The following MROH1 variants were observed in gnomAD, a reference collection of about 807,000 sequenced individuals.
MROH1 encodes maestro heat like repeat family member 1, also known as maestro heat-like repeat-containing protein family member 1.
Under a neutral mutation model 116.5 loss-of-function variants are expected in MROH1, and 117 were observed. That is an observed-to-expected ratio of 1.00 (90% CI 0.86 to 1.17). MROH1 has a LOEUF of 1.17. MROH1 is among the 50% of genes most tolerant of loss of function. The pLI, the probability that MROH1 is intolerant of heterozygous loss-of-function variation, is 0.00. For synonymous variants in MROH1, 921 were observed against 583.9 expected, an observed-to-expected ratio of 1.58 and a Z score of -8.32; for missense variants, 1,873 against 1,338.5, an observed-to-expected ratio of 1.40 and a Z score of -6.23.
chr8:144,217,044 G>T (rs537662744), intron 12 of MROH1, among the ~76,000 whole-genome samples: 60 of 152,292 alleles, frequency 3.9e-4, no homozygotes, highest in Admixed American at 1.0e-3. Flanking sequence ...ATTGAGCTGG[G>T]TGTGGTGGCT....
chr8:144,226,853 A>AT (rs145966886), intron 14 of MROH1, among the ~76,000 whole-genome samples: 1,554 of 152,204 alleles, frequency 0.01, 22 homozygotes, highest in African/African-American at 0.035. Flanking sequence ...TTCCCTGTAA[A>AT]TTTTAGAGTC....
At chr8:144,174,637 A>G (rs1404586435) in intron 4 of MROH1, among the ~76,000 whole-genome samples, 6 of 151,954 alleles carry the variant, frequency 3.9e-5, no homozygotes, top group Non-Finnish European at 8.8e-5. Flanking sequence ...GCGCACCACC[A>G]CACCTGGCTA....
intron 12 of MROH1, among the ~76,000 whole-genome samples, chr8:144,215,600 G>A (rs1474315499): frequency 6.6e-6 from 1 of 152,204 alleles, no homozygotes. Flanking sequence ...GGCCGGGCAT[G>A]GTGGCTCACG....
intron 25 of MROH1, 60 bp from the exon 26 acceptor site, chr8:144,243,803 G>T: frequency 1.3e-6 from 1 of 748,748 alleles, no homozygotes; most frequent in South Asian, 1.4e-5. Flanking sequence ...GACAGAGCTT[G>T]ACCAGGGAGG....
In MROH1 at chr8:144,255,886, G is replaced by A. The variant is rs975905134; in HGVS notation, c.3791+181G>A. Reference sequence around the variant, plus strand: ...TGAGCTGTCAGTGGTGACATCCATGGCCACCCTTCTCACACTGGCTGTGAA... The same window carrying A: ...TGAGCTGTCAGTGGTGACATCCATGACCACCCTTCTCACACTGGCTGTGAA... On this transcript the variant is annotated intron_variant, in intron 35 of 43. Coordinates refer to ENST00000326134, the MANE Select transcript of MROH1 (RefSeq NM_032450.3). Among the ~76,000 whole-genome samples, 8 of 152,028 alleles carry A rather than the reference G, an allele frequency of 5.3e-5. No homozygotes were observed. In the South Asian group the frequency reaches 8.3e-4, roughly 16 times the overall value.
At chr8:144,174,987 A>T (rs1823452530) in intron 4 of MROH1, 1 of 985,272 alleles carries the variant, frequency 1.0e-6, no homozygotes, top group South Asian at 4.7e-5. Flanking sequence ...ACTTCTCCCT[A>T]TTGTTTTCCT....
intron 39 of MROH1, 132 bp from the exon 40 acceptor site, chr8:144,260,545 G>A (rs1354772743): frequency 2.7e-5 from 20 of 750,674 alleles, no homozygotes; most frequent in Middle Eastern, 7.1e-4. Flanking sequence ...GCCCCCACCC[G>A]TAAGGCCCCC....
intron 35 of MROH1, among the ~76,000 whole-genome samples, chr8:144,258,218 G>C (rs913638673): frequency 4.6e-5 from 7 of 152,326 alleles, no homozygotes; most frequent in Non-Finnish European, 5.9e-5. Context: ...AGTTGGCCAA[G>C]GTGGCCCCCA....
chr8:144,233,083 G>T (rs1405744798), intron 14 of MROH1, among the ~76,000 whole-genome samples: 2 of 151,838 alleles, frequency 1.3e-5, no homozygotes, highest in African/African-American at 4.8e-5. Flanking sequence ...TTCTGCCTTG[G>T]CCTCCCAAAG....
intron 10 of MROH1, among the ~76,000 whole-genome samples, chr8:144,196,548 G>A (rs1226259434): frequency 1.3e-5 from 2 of 151,192 alleles, no homozygotes; most frequent in Non-Finnish European, 2.9e-5. Context: ...ATAGAGACAG[G>A]GTTTCACTAT....
rs2133256192 is a variant in MROH1, at chr8:144,255,033, G to A, written c.3594+55G>A. ...ACGCTGTCCCTGCCCCGCTTGCCTG[G>A]GTGCCCGGGGGCAGGCCTTTTGATG... is the stretch of plus-strand genomic sequence containing the variant. On this transcript the variant is annotated intron_variant, in intron 34 of 43. Transcript: ENST00000326134. The A allele has an allele frequency of 7.2e-6, 5 of 697,902 alleles. No homozygotes were observed. In the East Asian group the frequency reaches 1.3e-4, roughly 19 times the overall value. The allele number at this position is 697,902 out of a possible 1,614,324, so 43.2% of individuals were successfully genotyped here.
chr8:144,234,095 T>C (rs1242157868), intron 14 of MROH1, among the ~76,000 whole-genome samples: 6 of 151,734 alleles, frequency 4.0e-5, no homozygotes, highest in African/African-American at 1.2e-4. Context: ...CTGCAAGCTC[T>C]GCCTCCCGGG....
chr8:144,166,098 T>C (rs1225505952), intron 3 of MROH1, among the ~76,000 whole-genome samples: 1 of 151,904 alleles, frequency 6.6e-6, no homozygotes, highest in East Asian at 1.9e-4. Flanking sequence ...AGACTGGTCT[T>C]GAACTCCTGA....
rs1370710512 is a variant in MROH1, at chr8:144,192,311, C to T, written c.858C>T (p.Ser286=). Residue 286 remains serine, a splice_region_variant and synonymous_variant, in exon 10 of 44, where the codon AGC becomes AGT. Transcript: ENST00000326134. ...KHAETFYLSK[S]LGQILEAAVS... ...CCTCTTCTCCCTACCCGGAGCAGAG[C>T]CTGGGCCAGATCCTCGAGGCAGCTG... 3.1e-6 allele frequency: 5 copies of T among 1,591,946 alleles called. No homozygotes were observed. Among genetic ancestry groups the T allele is most frequent in the Middle Eastern group, 2.3e-4 (1 of 4,426 alleles).
chr8:144,153,494 G>A (rs1470325591), intron 1 of MROH1, among the ~76,000 whole-genome samples: 1 of 152,104 alleles, frequency 6.6e-6, no homozygotes, highest in Non-Finnish European at 1.5e-5. Context: ...ACTGCGCCCA[G>A]CCTCCTTTTT....
At chr8:144,243,646 C>T in intron 25 of MROH1, 30 bp downstream of exon 25, 1 of 776,966 alleles carries the variant, frequency 1.3e-6, no homozygotes, top group South Asian at 1.3e-5. Context: ...GGCAGGTCCT[C>T]AGGCAGGTTC....
chr8:144,261,334 G>C lies in MROH1; in HGVS notation c.4825G>C (p.Asp1609His), dbSNP rs2130131899. The change falls in exon 43 of 44, where the codon GAC becomes CAC. Residue 1609 changes from aspartate (D) to histidine (H), a missense_variant. Physicochemically the swap from Asp to His is moderately conservative, Grantham distance 81. Transcript: ENST00000326134. ...CAGGCAGCAGCCGCAGGTGGACCTGGACCAGCTCATTGCGGGTGAGCACCC... is the reference window on the plus strand; with the variant it reads ...CAGGCAGCAGCCGCAGGTGGACCTGCACCAGCTCATTGCGGGTGAGCACCC... ...EPRQQPQVDL[D>H]QLIAALQILL... The C allele has an allele frequency of 1.4e-6, 1 of 711,178 alleles. No individual in the cohort carries two copies. The highest frequency in any genetic ancestry group is 2.6e-5 in the East Asian group (1 of 37,996). 44.1% of individuals were successfully genotyped at this position (711,178 alleles called of 1,614,324 possible).
chr8:144,213,081 A>G, intron 12 of MROH1: 1 of 778,874 alleles, frequency 1.3e-6, no homozygotes, highest in Non-Finnish European at 2.4e-6. Flanking sequence ...GCTGCTCCGC[A>G]GCCTGCTGAT....
intron 14 of MROH1, among the ~76,000 whole-genome samples, chr8:144,234,710 G>A (rs1839733362): frequency 6.8e-6 from 1 of 147,604 alleles, no homozygotes; most frequent in African/African-American, 2.5e-5. Flanking sequence ...TAAAAATGGG[G>A]TTTCACCATG....
Sources: gnomAD v4.1 joint callset for allele counts (sites outside exome capture counted in the v4.1 genomes callset) on GRCh38, gnomAD v4.1.1 for gene constraint, MANE v1.5 for transcripts, NCBI Gene and HGNC (gene_info 2026-07-23, HGNC 2026-07-21) for gene names.